The following KCNIP4 variants were observed in gnomAD, a reference collection of about 807,000 sequenced individuals.
The protein encoded by KCNIP4 is potassium voltage-gated channel interacting protein 4.
KCNIP4 carries 12 observed loss-of-function variants against 34.0 expected under a neutral mutation model. That is an observed-to-expected ratio of 0.35 (90% CI 0.23 to 0.57). KCNIP4 has a LOEUF of 0.57. Ranked by LOEUF, KCNIP4 falls within the 20% of genes least tolerant of loss-of-function variation. KCNIP4 has a pLI of 0.83. For synonymous variants in KCNIP4, 124 were observed against 102.2 expected (o/e 1.21, Z -1.29); for missense variants, 238 against 311.7 (o/e 0.76, Z 1.78).
chr4:21,084,874 T>C (rs372553531), intron 1 of KCNIP4, among the ~76,000 whole-genome samples: 4 of 151,756 alleles, frequency 2.6e-5, no homozygotes, highest in Admixed American at 1.3e-4. Flanking sequence ...AATGCATGAA[T>C]ACATAAAGAA....
intron 1 of KCNIP4, among the ~76,000 whole-genome samples, chr4:21,013,389 T>C (rs1739232621): frequency 6.6e-6 from 1 of 152,102 alleles, no homozygotes; most frequent in African/African-American, 2.4e-5. Flanking sequence ...AGGATACAGC[T>C]TGATGCTCCT....
chr4:21,888,372 C>G (rs1032523966), intron 1 of KCNIP4, among the ~76,000 whole-genome samples: 1 of 152,014 alleles, frequency 6.6e-6, no homozygotes, highest in Admixed American at 6.6e-5. Flanking sequence ...TTTTAACAAC[C>G]AAAGTAGAAC....
At chr4:21,111,913 C>G (rs141116085) in intron 1 of KCNIP4, among the ~76,000 whole-genome samples, 7 of 152,162 alleles carry the variant, frequency 4.6e-5, no homozygotes, top group Non-Finnish European at 1.5e-5. Flanking sequence ...ACATGCTAAT[C>G]CAGTGGAATC....
intron 1 of KCNIP4, among the ~76,000 whole-genome samples, chr4:21,169,677 T>C (rs956955668): frequency 4.0e-5 from 6 of 151,100 alleles, no homozygotes; most frequent in Admixed American, 6.6e-5. Context: ...TGTGTGTGTG[T>C]GTGTGTGTGT....
At chr4:20,941,469 C>A (rs573576875) in intron 1 of KCNIP4, among the ~76,000 whole-genome samples, 1 of 152,266 alleles carries the variant, frequency 6.6e-6, no homozygotes, top group African/African-American at 2.4e-5. Flanking sequence ...CCAAATGGAA[C>A]ATTCTGGTGG....
chr4:21,808,336 C>G (rs1384393576), intron 1 of KCNIP4, among the ~76,000 whole-genome samples: 1 of 152,120 alleles, frequency 6.6e-6, no homozygotes, highest in Non-Finnish European at 1.5e-5. Flanking sequence ...CCTTTCTTCT[C>G]TTCTTCCTCC....
chr4:21,517,638 C>T (rs886913072), intron 1 of KCNIP4, among the ~76,000 whole-genome samples: 5 of 152,120 alleles, frequency 3.3e-5, no homozygotes, highest in African/African-American at 1.2e-4. Flanking sequence ...TACATGCCTA[C>T]ACTCCTTCAG....
chr4:20,745,443 G>A (rs1752214664), intron 5 of KCNIP4, among the ~76,000 whole-genome samples: 1 of 152,114 alleles, frequency 6.6e-6, no homozygotes, highest in Non-Finnish European at 1.5e-5. Context: ...AAAGAAAAAT[G>A]AGAAACTTAA....
At chr4:21,758,709 T>C (rs1002177745) in intron 1 of KCNIP4, among the ~76,000 whole-genome samples, 4 of 144,416 alleles carry the variant, frequency 2.8e-5, no homozygotes, top group African/African-American at 1.0e-4. Flanking sequence ...GCCTTACTTA[T>C]CCCATCTGTA....
intron 1 of KCNIP4, among the ~76,000 whole-genome samples, chr4:21,445,702 A>T (rs1224690351): frequency 1.3e-5 from 2 of 152,214 alleles, no homozygotes; most frequent in Non-Finnish European, 2.9e-5. Context: ...ACCATTCAGG[A>T]CATAGGCGTG....
chr4:21,230,477 A>G lies in KCNIP4; in HGVS notation c.62-347768T>C, dbSNP rs116639331. 1.6e-3 allele frequency among the ~76,000 whole-genome samples: 251 copies of G among 152,170 alleles called. 1 individual carries two copies. Among genetic ancestry groups the G allele is most frequent in the African/African-American group, 5.5e-3 (227 of 41,528 alleles). On this transcript the variant is annotated intron_variant, in intron 1 of 8. Coordinates refer to ENST00000382152, the MANE Select transcript of KCNIP4 (RefSeq NM_025221.6). Reference sequence around the variant, plus strand: ...GAGTTAAGTCCCGCGTGCATTAGCTATTTATCCTAATGCTCTGCCTCTCCC... The same window carrying G: ...GAGTTAAGTCCCGCGTGCATTAGCTGTTTATCCTAATGCTCTGCCTCTCCC...
intron 1 of KCNIP4, among the ~76,000 whole-genome samples, chr4:21,504,508 G>GAAAGAAAGA (rs1392434479): frequency 9.8e-4 from 119 of 121,672 alleles, no homozygotes; most frequent in African/African-American, 3.0e-3. Context: ...AGAAAGAAAG[G>GAAAGAAAGA]AAGGAAGGAA....
At chr4:20,989,721 C>T (rs989955913) in intron 1 of KCNIP4, among the ~76,000 whole-genome samples, 2 of 152,100 alleles carry the variant, frequency 1.3e-5, no homozygotes, top group Non-Finnish European at 2.9e-5. Context: ...GTAATCCTAG[C>T]ACTTTGGGAG....
intron 1 of KCNIP4, among the ~76,000 whole-genome samples, chr4:21,551,907 T>C (rs1738613981): frequency 6.6e-6 from 1 of 151,950 alleles, no homozygotes; most frequent in Non-Finnish European, 1.5e-5. Context: ...TCAGATACAG[T>C]AAAATATTCA....
chr4:21,158,350 TA>T (rs142420133), intron 1 of KCNIP4, among the ~76,000 whole-genome samples: 3 of 150,434 alleles, frequency 2.0e-5, no homozygotes, highest in Admixed American at 6.6e-5. Flanking sequence ...GCGTTACAAA[TA>T]AAAAAAAATA....
At chr4:20,749,640 A>T (rs1327581876) in intron 5 of KCNIP4, 22 bp downstream of exon 5, 1 of 1,523,910 alleles carries the variant, frequency 6.6e-7, no homozygotes, top group Non-Finnish European at 9.1e-7. Flanking sequence ...GTCAAATGAT[A>T]TGAAAATAAT....
intron 2 of KCNIP4, among the ~76,000 whole-genome samples, chr4:20,879,764 G>T (rs903126730): frequency 6.6e-6 from 1 of 152,102 alleles, no homozygotes; most frequent in Non-Finnish European, 1.5e-5. Flanking sequence ...TGTATGCTTT[G>T]CTGAAAAACA....
At chr4:21,872,462 C>T (rs1354734050) in intron 1 of KCNIP4, among the ~76,000 whole-genome samples, 3 of 152,050 alleles carry the variant, frequency 2.0e-5, no homozygotes, top group African/African-American at 4.8e-5. Context: ...GGCGTTTTGA[C>T]GATTGTAGGT....
intron 1 of KCNIP4, among the ~76,000 whole-genome samples, chr4:21,569,234 TAAAAAAAAAAAAA>T (rs71191521): frequency 2.4e-4 from 6 of 25,186 alleles, no homozygotes; most frequent in African/African-American, 4.3e-4. Context: ...ACTGATATTC[TAAAAAAAAAAAAA>T]AAAAAAAAAA....
Sources: allele counts gnomAD v4.1 joint callset (sites outside exome capture counted in the v4.1 genomes callset), GRCh38; gene constraint gnomAD v4.1.1; transcripts MANE v1.5; gene names NCBI Gene and HGNC (gene_info 2026-07-23, HGNC 2026-07-21).